Variants in ECT2L observed in about 807,000 individuals in gnomAD.
ECT2L encodes the protein epithelial cell transforming 2 like.
Under a neutral mutation model 122.8 loss-of-function variants are expected in ECT2L, and 126 were observed. The ratio of observed to expected loss-of-function variants is 1.03; its 90% CI spans 0.89 to 1.19. The LOEUF is 1.19. Ranked by LOEUF, ECT2L falls within the 50% of genes most tolerant of loss-of-function variation. ECT2L has a pLI of 0.00. For synonymous variants in ECT2L, 385 were observed against 381.8 expected (o/e 1.01, Z -0.10); for missense variants, 1,012 against 1,064.1 (o/e 0.95, Z 0.68).
At chr6:138,824,580 AC>A (rs148916462) in intron 4 of ECT2L, among the ~76,000 whole-genome samples, 10,217 of 97,772 alleles carry the variant, frequency 0.1, 601 homozygotes, top group East Asian at 0.28. Flanking sequence ...AAAAACAAAA[AC>A]AAAAAAAACA....
intron 21 of ECT2L, 46 bp downstream of exon 21, chr6:138,901,166 A>G: frequency 6.3e-7 from 1 of 1,576,050 alleles, no homozygotes; most frequent in Non-Finnish European, 8.7e-7. Context: ...TCAAAAAGCT[A>G]TATAATGTAA....
chr6:138,843,526 A>T (rs555430242), intron 6 of ECT2L, among the ~76,000 whole-genome samples: 12 of 152,208 alleles, frequency 7.9e-5, no homozygotes, highest in Non-Finnish European at 1.8e-4. Context: ...AACATGGGGA[A>T]AAAAGCAAAC....
At chr6:138,839,147 C>T (rs935535836) in intron 5 of ECT2L, among the ~76,000 whole-genome samples, 1 of 152,144 alleles carries the variant, frequency 6.6e-6, no homozygotes. Context: ...TCTGATAACT[C>T]AGCTCTAGAA....
intron 4 of ECT2L, among the ~76,000 whole-genome samples, chr6:138,824,883 C>T (rs931702571): frequency 6.6e-6 from 1 of 152,232 alleles, no homozygotes; most frequent in Non-Finnish European, 1.5e-5. Context: ...CCAGCTACTT[C>T]TGGCTCCACC....
At chr6:138,833,685 C>A (rs1776725382) in intron 4 of ECT2L, among the ~76,000 whole-genome samples, 1 of 152,006 alleles carries the variant, frequency 6.6e-6, no homozygotes, top group Non-Finnish European at 1.5e-5. Context: ...ACCTGTAATC[C>A]CAGCTGCTCA....
chr6:138,899,380 A>G (rs1199688288), intron 20 of ECT2L, among the ~76,000 whole-genome samples: 4 of 152,182 alleles, frequency 2.6e-5, no homozygotes, highest in African/African-American at 4.8e-5. Flanking sequence ...GCAAGAAAAG[A>G]GTAGGGAAAA....
At chr6:138,821,647 G>A (rs1776272018) in intron 4 of ECT2L, among the ~76,000 whole-genome samples, 1 of 152,200 alleles carries the variant, frequency 6.6e-6, no homozygotes. Flanking sequence ...AGTAAATGAA[G>A]CATGACAAAA....
At chr6:138,814,238 C>G (rs1775995407) in intron 3 of ECT2L, among the ~76,000 whole-genome samples, 1 of 152,094 alleles carries the variant, frequency 6.6e-6, no homozygotes, top group Admixed American at 6.5e-5. Flanking sequence ...CTTCTTGGGC[C>G]CCTCTATAAT....
At chr6:138,879,252 C>T in intron 14 of ECT2L, 1 of 247,274 alleles carries the variant, frequency 4.0e-6, no homozygotes, top group Non-Finnish European at 8.1e-6. Context: ...ACCAAGGAAC[C>T]ATCCTGCCCA....
intron 16 of ECT2L, 24 bp from the exon 17 acceptor site, chr6:138,885,482 G>T: frequency 1.2e-6 from 2 of 1,612,100 alleles, no homozygotes; most frequent in South Asian, 2.2e-5. Context: ...ATAAAGTTTT[G>T]ACAATATAAT....
intron 9 of ECT2L, among the ~76,000 whole-genome samples, chr6:138,853,670 T>C (rs1338246243): frequency 6.6e-6 from 1 of 152,220 alleles, no homozygotes; most frequent in Non-Finnish European, 1.5e-5. Flanking sequence ...TATTTTTTGA[T>C]TGACAATCCT....
rs946882282 is a variant in ECT2L, at chr6:138,875,804, G to C, written c.1579-668G>C. Among the ~76,000 whole-genome samples the C allele has an allele frequency of 2.0e-5, 3 of 152,270 alleles. No homozygotes were observed. The South Asian group carries it at 6.2e-4, about 32-fold the overall frequency. ...AACCTATTTGCCCTCAACTGAGAAGGAACAGAGCAGAGCTGAGGCAAAAAC... is the reference window on the plus strand; with the variant it reads ...AACCTATTTGCCCTCAACTGAGAAGCAACAGAGCAGAGCTGAGGCAAAAAC... On this transcript the variant is annotated intron_variant, in intron 13 of 21. Transcript: ENST00000541398.
At position 138,885,046 on chromosome 6, in the gene ECT2L, T is replaced by G. The variant is rs917509189; in HGVS notation, c.2029-460T>G. On this transcript the variant is annotated intron_variant, in intron 16 of 21. Coordinates refer to ENST00000541398, the MANE Select transcript of ECT2L (RefSeq NM_001077706.3). The stretch of plus-strand genomic sequence containing the variant: ...TCTTTTTTTTTTTTTTTTTTTTTTT[T>G]GAGATGGAGTCTCGCTCTGTTGCCC... 2.5e-4 allele frequency among the ~76,000 whole-genome samples: 31 copies of G among 122,242 alleles called. No homozygotes were observed. In the South Asian group the frequency reaches 6.7e-3, roughly 26 times the overall value. 80.2% of individuals were successfully genotyped at this position (122,242 alleles called of 152,430 possible).
chr6:138,848,958 A>G (rs1246814319), intron 8 of ECT2L, among the ~76,000 whole-genome samples: 1 of 152,142 alleles, frequency 6.6e-6, no homozygotes, highest in Non-Finnish European at 1.5e-5. Context: ...CTTGGCCATT[A>G]TTACTTTTTA....
intron 4 of ECT2L, among the ~76,000 whole-genome samples, chr6:138,821,408 T>C (rs773165249): frequency 3.3e-5 from 5 of 152,158 alleles, no homozygotes; most frequent in Non-Finnish European, 7.4e-5. Flanking sequence ...TCTGTAGCCA[T>C]GGCTTTCTCC....
At chr6:138,857,486 G>T (rs1777653579) in intron 10 of ECT2L, among the ~76,000 whole-genome samples, 1 of 152,050 alleles carries the variant, frequency 6.6e-6, no homozygotes, top group Non-Finnish European at 1.5e-5. Flanking sequence ...CCTCCAGTGG[G>T]TCTCTGTCTG....
At chr6:138,864,116 T>C (rs1302213586) in intron 11 of ECT2L, among the ~76,000 whole-genome samples, 1 of 144,226 alleles carries the variant, frequency 6.9e-6, no homozygotes, top group Non-Finnish European at 1.5e-5. Context: ...AGGTCAGGAG[T>C]TCGAGACCAG....
chr6:138,901,124 T>C lies in ECT2L; in HGVS notation c.2587+4T>C, dbSNP rs755981445. The C allele has an allele frequency of 5.6e-6, 9 of 1,613,468 alleles. No individual in the cohort carries two copies. In the South Asian group the frequency reaches 7.7e-5, roughly 14 times the overall value. ...GAAAATATTCCAGATTCCAAGTGTATGTATTCTTTTCCTTCCAAGAGACAG... is the reference window on the plus strand; with the variant it reads ...GAAAATATTCCAGATTCCAAGTGTACGTATTCTTTTCCTTCCAAGAGACAG... On this transcript the variant is annotated splice_donor_region_variant and intron_variant, in intron 21 of 21. Coordinates refer to ENST00000541398, the MANE Select transcript of ECT2L (RefSeq NM_001077706.3).
chr6:138,902,287 T>C lies in ECT2L; in HGVS notation c.2588-213T>C, dbSNP rs189692961. Among the ~76,000 whole-genome samples, 92 of 152,330 alleles carry C rather than the reference T, an allele frequency of 6.0e-4. 1 individual carries two copies. Among genetic ancestry groups the C allele is most frequent in the African/African-American group, 2.1e-3 (86 of 41,566 alleles). ...ATCTATCCGTTAGTCTTTAAAATAA[T>C]TGCTAATTACAATAACTGTAATATA... On this transcript the variant is annotated intron_variant, in intron 21 of 21. Coordinates refer to ENST00000541398, the MANE Select transcript of ECT2L (RefSeq NM_001077706.3).
Sources: gnomAD v4.1 joint callset for allele counts (sites outside exome capture counted in the v4.1 genomes callset) on GRCh38, gnomAD v4.1.1 for gene constraint, MANE v1.5 for transcripts, NCBI Gene and HGNC (gene_info 2026-07-23, HGNC 2026-07-21) for gene names.